Variants in CACNA2D3 observed in about 807,000 individuals in gnomAD.
The protein encoded by CACNA2D3 is calcium voltage-gated channel auxiliary subunit alpha2delta 3, also known as voltage-dependent calcium channel subunit alpha-2/delta-3.
In CACNA2D3, 60 loss-of-function variants were observed where a neutral mutation model predicts 160.6. The observed-to-expected ratio is 0.37, with a 90% CI of 0.30 to 0.46. The LOEUF is 0.46. Among genes scored for constraint, CACNA2D3 ranks in the 20% least tolerant of loss-of-function variants. The probability of loss-of-function intolerance (pLI) is 1.00; values close to 1 mark genes in which losing one functional copy is unlikely to be tolerated. For synonymous variants in CACNA2D3, 558 were observed against 492.9 expected, an observed-to-expected ratio of 1.13 and a Z score of -1.75; for missense variants, 1,205 against 1,365.0, an observed-to-expected ratio of 0.88 and a Z score of 1.85.
intron 11 of CACNA2D3, among the ~76,000 whole-genome samples, chr3:54,683,928 A>G (rs1046325977): frequency 6.8e-6 from 1 of 147,078 alleles, no homozygotes; most frequent in Non-Finnish European, 1.5e-5. Flanking sequence ...TCACGTGGCC[A>G]TCTTCCTCTG....
chr3:54,718,179 C>G (rs1354778118), intron 11 of CACNA2D3, among the ~76,000 whole-genome samples: 1 of 151,962 alleles, frequency 6.6e-6, no homozygotes, highest in Admixed American at 6.6e-5. Context: ...CTTCTCCCAC[C>G]CTGTAGTTTG....
intron 2 of CACNA2D3, among the ~76,000 whole-genome samples, chr3:54,178,207 G>C (rs1700711682): frequency 6.6e-6 from 1 of 152,176 alleles, no homozygotes; most frequent in Non-Finnish European, 1.5e-5. Flanking sequence ...TAAGACTCAG[G>C]GTTAGTACTC....
At chr3:54,763,627 C>CTG (rs35183007) in intron 12 of CACNA2D3, among the ~76,000 whole-genome samples, 3,912 of 135,390 alleles carry the variant, frequency 0.029, 149 homozygotes, top group African/African-American at 0.084. Context: ...TAAACATATA[C>CTG]TGTGTGTGTG....
intron 29 of CACNA2D3, among the ~76,000 whole-genome samples, chr3:54,977,528 A>G (rs1702417530): frequency 6.6e-6 from 1 of 152,188 alleles, no homozygotes; most frequent in Non-Finnish European, 1.5e-5. Context: ...CAAGAGTACT[A>G]ATTAGTTAGA....
At chr3:54,742,995 G>T (rs1701684477) in intron 11 of CACNA2D3, among the ~76,000 whole-genome samples, 1 of 152,324 alleles carries the variant, frequency 6.6e-6, no homozygotes, top group Non-Finnish European at 1.5e-5. Context: ...TCAACTGATT[G>T]ATAACAGATC....
intron 2 of CACNA2D3, among the ~76,000 whole-genome samples, chr3:54,230,059 C>CA (rs1198136155): frequency 6.8e-6 from 1 of 146,788 alleles, no homozygotes; most frequent in Non-Finnish European, 1.5e-5. Flanking sequence ...TAAGTTTAAG[C>CA]AAAAAAGGAA....
intron 3 of CACNA2D3, among the ~76,000 whole-genome samples, chr3:54,376,075 C>G (rs1559464480): frequency 6.6e-6 from 1 of 152,154 alleles, no homozygotes; most frequent in Non-Finnish European, 1.5e-5. Flanking sequence ...CAGGTCTGAT[C>G]ACGTGGGTCT....
At chr3:54,526,264 T>C (rs112969616) in intron 5 of CACNA2D3, among the ~76,000 whole-genome samples, 417 of 152,310 alleles carry the variant, frequency 2.7e-3, no homozygotes, top group African/African-American at 9.6e-3. Context: ...TTTAATTCTT[T>C]GGACATATGT....
At chr3:54,575,563 G>T (rs886302985) in intron 8 of CACNA2D3, among the ~76,000 whole-genome samples, 2 of 152,180 alleles carry the variant, frequency 1.3e-5, no homozygotes, top group African/African-American at 2.4e-5. Context: ...AAGACAAGCT[G>T]TCTGCTCTCA....
intron 2 of CACNA2D3, among the ~76,000 whole-genome samples, chr3:54,254,777 A>G (rs1280659644): frequency 6.6e-6 from 1 of 152,226 alleles, no homozygotes; most frequent in Non-Finnish European, 1.5e-5. Flanking sequence ...CAAGGAAGAT[A>G]TGGGAAAATG....
At chr3:54,497,943 A>C (rs1019362504) in intron 4 of CACNA2D3, among the ~76,000 whole-genome samples, 4 of 151,848 alleles carry the variant, frequency 2.6e-5, no homozygotes. Flanking sequence ...GGATTAATAC[A>C]GTTTGGTCGT....
chr3:54,806,512 C>T (rs1703130748), intron 13 of CACNA2D3, among the ~76,000 whole-genome samples: 1 of 151,696 alleles, frequency 6.6e-6, no homozygotes, highest in Non-Finnish European at 1.5e-5. Flanking sequence ...TGAAGGACCT[C>T]TTCAAGGAGA....
chr3:55,068,064 T>C (rs962113854), intron 35 of CACNA2D3, among the ~76,000 whole-genome samples: 2 of 152,200 alleles, frequency 1.3e-5, no homozygotes, highest in Non-Finnish European at 2.9e-5. Flanking sequence ...TCCTGCTCTG[T>C]CTCCCACTGA....
intron 11 of CACNA2D3, among the ~76,000 whole-genome samples, chr3:54,710,118 T>C (rs1700928782): frequency 2.0e-5 from 3 of 152,146 alleles, no homozygotes; most frequent in Admixed American, 2.0e-4. Context: ...GAGCACCTAT[T>C]GTGTACCAGG....
chr3:54,577,074 A>C (rs892396844), intron 8 of CACNA2D3, among the ~76,000 whole-genome samples: 1 of 152,032 alleles, frequency 6.6e-6, no homozygotes, highest in Admixed American at 6.6e-5. Context: ...CAAAAGGAAA[A>C]AAGGCCTTAT....
At chr3:54,702,627 T>C (rs1225601134) in intron 11 of CACNA2D3, among the ~76,000 whole-genome samples, 1 of 152,180 alleles carries the variant, frequency 6.6e-6, no homozygotes, top group Non-Finnish European at 1.5e-5. Flanking sequence ...AAGGGAGTGC[T>C]TATACACTGC....
chr3:54,165,252 G>T (rs1257205904), intron 2 of CACNA2D3, among the ~76,000 whole-genome samples: 1 of 150,286 alleles, frequency 6.7e-6, no homozygotes, highest in African/African-American at 2.4e-5. Flanking sequence ...CCCACCCATT[G>T]TTACAACCCA....
At chr3:54,392,473 A>G (rs1699298428) in intron 4 of CACNA2D3, among the ~76,000 whole-genome samples, 1 of 152,226 alleles carries the variant, frequency 6.6e-6, no homozygotes, top group African/African-American at 2.4e-5. Context: ...AGCTTTTTCT[A>G]TTACAAAGTT....
chr3:54,739,749 A>ATGTGTGTG (rs1451782803), intron 11 of CACNA2D3, among the ~76,000 whole-genome samples: 6 of 80,774 alleles, frequency 7.4e-5, no homozygotes, highest in African/African-American at 3.4e-4. Flanking sequence ...TTCTCCTCAT[A>ATGTGTGTG]TATGTGTGTG....
Sources: gnomAD v4.1 joint callset for allele counts (sites outside exome capture counted in the v4.1 genomes callset) on GRCh38, gnomAD v4.1.1 for gene constraint, MANE v1.5 for transcripts, NCBI Gene and HGNC (gene_info 2026-07-23, HGNC 2026-07-21) for gene names.